Variants in PCNX2 observed in about 807,000 individuals in gnomAD.
The protein encoded by PCNX2 is pecanex-like protein 2.
PCNX2 carries 168 observed loss-of-function variants against 223.8 expected under a neutral mutation model. That is an observed-to-expected ratio of 0.75 (90% CI 0.66 to 0.85). The LOEUF is 0.85. Ranked by LOEUF, PCNX2 falls within the 40% of genes least tolerant of loss-of-function variation. The pLI is 0.00. For synonymous variants in PCNX2, 1,006 were observed against 1,052.6 expected, an observed-to-expected ratio of 0.96 and a Z score of 0.86; for missense variants, 2,507 against 2,675.5, an observed-to-expected ratio of 0.94 and a Z score of 1.39.
chr1:233,279,055 G>A (rs1381481844), intron 1 of PCNX2, among the ~76,000 whole-genome samples: 3 of 151,944 alleles, frequency 2.0e-5, no homozygotes, highest in Non-Finnish European at 4.4e-5. Context: ...TTTTTCCAAA[G>A]AGCTCTAGTT....
At chr1:233,068,199 A>G (rs971966812) in intron 23 of PCNX2, among the ~76,000 whole-genome samples, 3 of 152,204 alleles carry the variant, frequency 2.0e-5, no homozygotes, top group African/African-American at 7.2e-5. Flanking sequence ...TTGTCAGCCT[A>G]GATTCCTATA....
upstream of PCNX2, among the ~76,000 whole-genome samples, chr1:233,299,352 A>G (rs1662223477): frequency 6.6e-6 from 1 of 152,026 alleles, no homozygotes; most frequent in Non-Finnish European, 1.5e-5. Flanking sequence ...CTCTCGAACT[A>G]TCAAAGTGGC....
At chr1:233,098,848 A>T (rs1260051084) in intron 21 of PCNX2, among the ~76,000 whole-genome samples, 1 of 152,204 alleles carries the variant, frequency 6.6e-6, no homozygotes, top group Non-Finnish European at 1.5e-5. Context: ...CGATGATAAT[A>T]TTACCCCCTC....
intron 17 of PCNX2, among the ~76,000 whole-genome samples, chr1:233,164,167 G>A (rs1289065320): frequency 1.3e-5 from 2 of 152,150 alleles, no homozygotes; most frequent in Admixed American, 6.5e-5. Flanking sequence ...CTCAAAAGAA[G>A]ACATACAAAC....
Position 233,124,363 on chromosome 1 carries a change from A to G in PCNX2, c.3837+10650T>C, listed in dbSNP as rs565060660. 4.4e-4 allele frequency among the ~76,000 whole-genome samples: 67 copies of G among 152,378 alleles called. No individual in the cohort carries two copies. In the South Asian group the frequency reaches 0.014, roughly 32 times the overall value. On this transcript the variant is annotated intron_variant, in intron 21 of 33. Transcript: ENST00000258229. ...CCTTACTGACAATTCCAGAATTACG[A>G]AAAAGATCAATAAATCTGACAAGTC...
chr1:233,228,057 T>G (rs2102947302), intron 9 of PCNX2, among the ~76,000 whole-genome samples: 1 of 152,322 alleles, frequency 6.6e-6, no homozygotes, highest in South Asian at 2.1e-4. Context: ...GGAACAAGGT[T>G]GGGAACACGC....
chr1:233,078,263 A>G (rs1673190356), intron 23 of PCNX2, among the ~76,000 whole-genome samples: 1 of 152,206 alleles, frequency 6.6e-6, no homozygotes, highest in African/African-American at 2.4e-5. Context: ...CACTTGGAGT[A>G]TTGGCCGATC....
chr1:233,033,076 T>C, intron 25 of PCNX2: 1 of 985,346 alleles, frequency 1.0e-6, no homozygotes, highest in Non-Finnish European at 1.2e-6. Context: ...GCCCACACAG[T>C]GTGACCTTTC....
At chr1:233,188,417 C>G (rs188931326) in intron 15 of PCNX2, among the ~76,000 whole-genome samples, 1 of 152,346 alleles carries the variant, frequency 6.6e-6, no homozygotes, top group Non-Finnish European at 1.5e-5. Flanking sequence ...GGGAGGGTCT[C>G]TACTGCTTTT....
chr1:233,152,154 G>A (rs1325909590), intron 19 of PCNX2, among the ~76,000 whole-genome samples: 1 of 152,136 alleles, frequency 6.6e-6, no homozygotes. Context: ...GGAAGAGAGG[G>A]TGCAGGAAAA....
Position 233,157,734 on chromosome 1 carries a change from C to T in PCNX2, c.3517+2549G>A, listed in dbSNP as rs778866254. On this transcript the variant is annotated intron_variant, in intron 19 of 33. Transcript: ENST00000258229. Reference sequence around the variant, plus strand: ...AGAAGAGGCAAGGAAATTCAGGACACAGATGGCACCAGAATGGGTAACTGG... The same window carrying T: ...AGAAGAGGCAAGGAAATTCAGGACATAGATGGCACCAGAATGGGTAACTGG... 3.2e-4 allele frequency among the ~76,000 whole-genome samples: 49 copies of T among 152,204 alleles called. 1 individual carries two copies. The highest frequency in any genetic ancestry group is 5.9e-4 in the Non-Finnish European group (40 of 68,042).
At chr1:233,127,318 A>G (rs1052171710) in intron 21 of PCNX2, among the ~76,000 whole-genome samples, 2 of 151,702 alleles carry the variant, frequency 1.3e-5, no homozygotes, top group African/African-American at 4.9e-5. Flanking sequence ...CACTTCCCAA[A>G]TTTCTCACGG....
intron 20 of PCNX2, among the ~76,000 whole-genome samples, chr1:233,136,511 T>A (rs76185641): frequency 0.033 from 5,061 of 152,228 alleles, 114 homozygotes; most frequent in African/African-American, 0.067. Flanking sequence ...GTGTGAGGTG[T>A]GGTTTGCCCA....
At chr1:233,005,966 A>G (rs943445437) in intron 28 of PCNX2, among the ~76,000 whole-genome samples, 31 of 152,210 alleles carry the variant, frequency 2.0e-4, no homozygotes, top group African/African-American at 7.2e-4. Context: ...AGGTCATCTT[A>G]TCATAGTCGG....
At chr1:233,054,985 T>C (rs893363063) in intron 24 of PCNX2, among the ~76,000 whole-genome samples, 3 of 152,180 alleles carry the variant, frequency 2.0e-5, no homozygotes, top group Admixed American at 2.0e-4. Context: ...CATTCATCTG[T>C]TGTATATATG....
chr1:233,309,793 G>A, the PCNX2 span, among the ~76,000 whole-genome samples: 2 of 151,760 alleles, frequency 1.3e-5, no homozygotes, highest in East Asian at 1.9e-4. Flanking sequence ...TGTGAGAATT[G>A]CTTGGGTCTG....
At chr1:233,167,173 A>T (rs1481934743) in intron 17 of PCNX2, among the ~76,000 whole-genome samples, 1 of 152,220 alleles carries the variant, frequency 6.6e-6, no homozygotes, top group Non-Finnish European at 1.5e-5. Context: ...ATGGATAAAG[A>T]AATTCTAATA....
At chr1:233,215,644 C>A (rs1331797880) in intron 12 of PCNX2, among the ~76,000 whole-genome samples, 1 of 152,168 alleles carries the variant, frequency 6.6e-6, no homozygotes, top group Non-Finnish European at 1.5e-5. Flanking sequence ...GCATAGAACA[C>A]CCCTCCCCAG....
At chr1:233,016,074 C>T (rs1670646549) in intron 27 of PCNX2, among the ~76,000 whole-genome samples, 2 of 152,176 alleles carry the variant, frequency 1.3e-5, no homozygotes, top group Non-Finnish European at 2.9e-5. Flanking sequence ...CTGAAAGAGG[C>T]CTGGCATGAG....
Sources: gnomAD v4.1 joint callset for allele counts (sites outside exome capture counted in the v4.1 genomes callset) on GRCh38, gnomAD v4.1.1 for gene constraint, MANE v1.5 for transcripts, NCBI Gene and HGNC (gene_info 2026-07-23, HGNC 2026-07-21) for gene names.